RSF1: variants seen among roughly 807,000 people sequenced by gnomAD.
RSF1 encodes the protein HBV pX-associated protein 8.
In RSF1, 13 loss-of-function variants were observed where a neutral mutation model predicts 145.2. The ratio of observed to expected loss-of-function variants is 0.09; its 90% CI spans 0.06 to 0.14. The LOEUF (loss-of-function observed/expected upper bound fraction) is 0.14. Among genes scored for constraint, RSF1 ranks in the 10% least tolerant of loss-of-function variants. RSF1 has a pLI of 1.00. For synonymous variants in RSF1, 577 were observed against 592.6 expected, an observed-to-expected ratio of 0.97 and a Z score of 0.38; for missense variants, 1,517 against 1,718.2, an observed-to-expected ratio of 0.88 and a Z score of 2.07.
chr11:77,759,057 T>C (rs954665918), intron 2 of RSF1, among the ~76,000 whole-genome samples: 2 of 152,236 alleles, frequency 1.3e-5, no homozygotes, highest in Non-Finnish European at 2.9e-5. Context: ...TTTATTTTTT[T>C]CTAAGAGTTT....
At chr11:77,803,075 T>C (rs1397534031) in intron 1 of RSF1, among the ~76,000 whole-genome samples, 8 of 152,150 alleles carry the variant, frequency 5.3e-5, no homozygotes, top group Admixed American at 4.6e-4. Flanking sequence ...AAGGACCTAT[T>C]GTGAGATTAG....
chr11:77,837,923 A>T, the RSF1 span, among the ~76,000 whole-genome samples: 2 of 152,200 alleles, frequency 1.3e-5, no homozygotes, highest in South Asian at 4.1e-4. Context: ...AAATTACAAA[A>T]TTAGCTGGAT....
At chr11:77,667,522 C>T in intron 15 of RSF1, 31 bp from the exon 16 acceptor site, 1 of 1,558,918 alleles carries the variant, frequency 6.4e-7, no homozygotes, top group Non-Finnish European at 8.7e-7. Flanking sequence ...AAGCCATTGG[C>T]ACGGTTAACC....
At chr11:77,832,941 GTA>G in the RSF1 span, among the ~76,000 whole-genome samples, 897 of 94,256 alleles carry the variant, frequency 9.5e-3, 53 homozygotes, top group African/African-American at 0.034. Flanking sequence ...GCACTTTATT[GTA>G]TATATATATG....
chr11:77,677,078 C>A, intron 12 of RSF1, 79 bp from the exon 13 acceptor site: 1 of 1,076,260 alleles, frequency 9.3e-7, no homozygotes, highest in Non-Finnish European at 1.4e-6. Context: ...TAGAGACAGT[C>A]CTTATTCATG....
chr11:77,780,555 G>A (rs1280947910), intron 1 of RSF1, among the ~76,000 whole-genome samples: 1 of 152,176 alleles, frequency 6.6e-6, no homozygotes, highest in Non-Finnish European at 1.5e-5. Context: ...GCCGGGTGCT[G>A]TGGCTCACAC....
At chr11:77,757,465 G>C (rs1016478353) in intron 2 of RSF1, among the ~76,000 whole-genome samples, 1 of 152,054 alleles carries the variant, frequency 6.6e-6, no homozygotes, top group Non-Finnish European at 1.5e-5. Context: ...GGATCACGAG[G>C]TCAGGAGATC....
chr11:77,682,025 T>C (rs933441763), intron 11 of RSF1, among the ~76,000 whole-genome samples: 1 of 152,236 alleles, frequency 6.6e-6, no homozygotes, highest in Admixed American at 6.5e-5. Context: ...CTGTATAATT[T>C]TGCACAGCAT....
intron 1 of RSF1, among the ~76,000 whole-genome samples, chr11:77,816,561 A>C (rs1276858307): frequency 6.6e-6 from 1 of 152,264 alleles, no homozygotes; most frequent in Admixed American, 6.5e-5. Flanking sequence ...AACTATGAGA[A>C]TCCTAACACA....
At chr11:77,731,410 G>A (rs1038766399) in intron 4 of RSF1, among the ~76,000 whole-genome samples, 2 of 152,170 alleles carry the variant, frequency 1.3e-5, no homozygotes, top group African/African-American at 4.8e-5. Context: ...TAGAAAATTT[G>A]CAGCCTGGCA....
the RSF1 span, chr11:77,841,123 G>A: frequency 4.4e-6 from 3 of 686,906 alleles, no homozygotes; most frequent in South Asian, 4.5e-5. Flanking sequence ...AGCACCAAGA[G>A]AGGGCCATAC....
In RSF1 at chr11:77,666,025, G is replaced by A. The variant is rs1959354721; in HGVS notation, c.*892C>T. 6.6e-6 allele frequency: 1 copy of A among 151,982 alleles called. No individual in the cohort carries two copies. Among genetic ancestry groups the A allele is most frequent in the Non-Finnish European group, 1.5e-5 (1 of 68,010 alleles). 9.4% of individuals were successfully genotyped at this position (151,982 alleles called of 1,614,324 possible). A position where few individuals can be genotyped will look rare whatever the true frequency, so the allele number is the denominator to read the frequency against. ...ATTTCAGATATTTAAACATCAAGTGGCCAGAAGACAAGAGTTATACTATTG... is the reference window on the plus strand; with the variant it reads ...ATTTCAGATATTTAAACATCAAGTGACCAGAAGACAAGAGTTATACTATTG... On this transcript the variant is annotated 3_prime_UTR_variant, in exon 16 of 16. Transcript: ENST00000308488.
At chr11:77,782,528 G>A (rs1480719454) in intron 1 of RSF1, among the ~76,000 whole-genome samples, 2 of 150,594 alleles carry the variant, frequency 1.3e-5, no homozygotes, top group Non-Finnish European at 2.9e-5. Context: ...GCCACAGGGC[G>A]AGAATCCGTC....
At chr11:77,692,993 G>A (rs1264541249) in intron 8 of RSF1, among the ~76,000 whole-genome samples, 6 of 152,086 alleles carry the variant, frequency 3.9e-5, no homozygotes, top group Non-Finnish European at 8.8e-5. Flanking sequence ...TCATTTTTAA[G>A]GCAAATGAAA....
intron 11 of RSF1, among the ~76,000 whole-genome samples, chr11:77,680,954 T>C (rs1455728581): frequency 3.3e-5 from 5 of 152,202 alleles, no homozygotes; most frequent in African/African-American, 9.7e-5. Context: ...ACCTATTTCT[T>C]TGAGTGACTA....
the RSF1 span, among the ~76,000 whole-genome samples, chr11:77,835,893 G>A: frequency 6.6e-6 from 1 of 151,990 alleles, no homozygotes; most frequent in Non-Finnish European, 1.5e-5. Context: ...GGGTGACAGA[G>A]TGAGACTCTG....
chr11:77,680,485 T>C (rs965673095), intron 11 of RSF1, among the ~76,000 whole-genome samples: 2 of 151,662 alleles, frequency 1.3e-5, no homozygotes, highest in African/African-American at 4.8e-5. Flanking sequence ...AGTGGCTGTA[T>C]ACACCCATAG....
intron 5 of RSF1, chr11:77,717,711 T>C (rs903823317): frequency 6.6e-6 from 1 of 152,198 alleles, no homozygotes; most frequent in Non-Finnish European, 1.5e-5. Flanking sequence ...AATGCCATGT[T>C]CCACTTTTAA....
At chr11:77,735,065 T>C in intron 4 of RSF1, 1 of 1,185,482 alleles carries the variant, frequency 8.4e-7, no homozygotes, top group Non-Finnish European at 1.2e-6. Flanking sequence ...TGGCAGTGGC[T>C]GCGTGGCGCT....
Sources: gnomAD v4.1 joint callset for allele counts (sites outside exome capture counted in the v4.1 genomes callset) on GRCh38, gnomAD v4.1.1 for gene constraint, MANE v1.5 for transcripts, NCBI Gene and HGNC (gene_info 2026-07-23, HGNC 2026-07-21) for gene names.